ZBTB20: variants seen among roughly 807,000 people sequenced by gnomAD.
ZBTB20 encodes zinc finger and BTB domain containing 20.
ZBTB20 carries 9 observed loss-of-function variants against 56.9 expected under a neutral mutation model. The ratio of observed to expected loss-of-function variants is 0.16; its 90% CI spans 0.10 to 0.28. The LOEUF (loss-of-function observed/expected upper bound fraction) is 0.28. ZBTB20 is among the 10% of genes least tolerant of loss of function. The probability of loss-of-function intolerance (pLI) is 1.00; values close to 1 mark genes in which losing one functional copy is unlikely to be tolerated. For missense variants in ZBTB20, 655 were observed against 1,003.0 expected (o/e 0.65, Z 4.69); for synonymous variants, 417 against 420.7 (o/e 0.99, Z 0.11).
intron 5 of ZBTB20, among the ~76,000 whole-genome samples, chr3:114,787,559 C>T (rs145998045): frequency 1.3e-5 from 2 of 151,398 alleles, no homozygotes; most frequent in Non-Finnish European, 2.9e-5. Context: ...TCTGTGGTTG[C>T]CATGAGTTAG....
intron 7 of ZBTB20, among the ~76,000 whole-genome samples, chr3:114,443,098 C>A (rs906429069): frequency 3.3e-5 from 5 of 152,116 alleles, no homozygotes; most frequent in Non-Finnish European, 5.9e-5. Context: ...TCAAAAAGAT[C>A]TCACTGTCTC....
chr3:114,809,904 C>T (rs2072391631), intron 4 of ZBTB20, among the ~76,000 whole-genome samples: 1 of 152,130 alleles, frequency 6.6e-6, no homozygotes, highest in South Asian at 2.1e-4. Context: ...CTCTGTGCAG[C>T]CTCTCTTCCC....
At chr3:114,916,913 T>C (rs1424452945) in intron 3 of ZBTB20, among the ~76,000 whole-genome samples, 2 of 152,204 alleles carry the variant, frequency 1.3e-5, no homozygotes. Flanking sequence ...CTTCTTGTGC[T>C]TGAATAATTA....
At chr3:114,923,302 C>A (rs2076027660) in intron 3 of ZBTB20, among the ~76,000 whole-genome samples, 1 of 152,174 alleles carries the variant, frequency 6.6e-6, no homozygotes, top group Non-Finnish European at 1.5e-5. Flanking sequence ...GGAGGCATCA[C>A]ACTCTGTGAT....
At chr3:114,870,257 CT>C (rs1195531277) in intron 4 of ZBTB20, among the ~76,000 whole-genome samples, 1 of 151,926 alleles carries the variant, frequency 6.6e-6, no homozygotes, top group East Asian at 1.9e-4. Context: ...AAGTAGAGGT[CT>C]TTTCTTTCAC....
intron 6 of ZBTB20, among the ~76,000 whole-genome samples, chr3:114,566,717 A>T (rs1350464356): frequency 6.6e-6 from 1 of 152,226 alleles, no homozygotes; most frequent in East Asian, 1.9e-4. Flanking sequence ...CTATCCTAGC[A>T]CATTGTTCTT....
chr3:114,495,079 T>C (rs1169578827), intron 7 of ZBTB20, among the ~76,000 whole-genome samples: 6 of 152,228 alleles, frequency 3.9e-5, no homozygotes, highest in African/African-American at 1.4e-4. Flanking sequence ...TCCTGGACTG[T>C]ATCATTCCTT....
chr3:115,121,559 T>G (rs1468986981), intron 1 of ZBTB20, among the ~76,000 whole-genome samples: 3 of 152,070 alleles, frequency 2.0e-5, no homozygotes, highest in African/African-American at 7.2e-5. Context: ...TGAGATGGTC[T>G]AGATGCATTA....
At chr3:114,846,255 T>C (rs934664898) in intron 4 of ZBTB20, among the ~76,000 whole-genome samples, 6 of 152,230 alleles carry the variant, frequency 3.9e-5, no homozygotes, top group Non-Finnish European at 7.3e-5. Flanking sequence ...TTCACCATAC[T>C]GATGAGCTTT....
intron 3 of ZBTB20, among the ~76,000 whole-genome samples, chr3:114,938,634 G>A (rs1385189629): frequency 6.9e-6 from 1 of 145,430 alleles, no homozygotes; most frequent in Non-Finnish European, 1.5e-5. Context: ...AGAACACATG[G>A]ACACAGGGAG....
intron 6 of ZBTB20, among the ~76,000 whole-genome samples, chr3:114,670,194 T>C (rs2061286476): frequency 6.6e-6 from 1 of 152,046 alleles, no homozygotes; most frequent in African/African-American, 2.4e-5. Flanking sequence ...AATTACCCTC[T>C]TGTGTTTGAA....
At position 115,047,860 on chromosome 3, in the gene ZBTB20, T is replaced by C. The variant is rs185771384; in HGVS notation, c.-507+23359A>G. Among the ~76,000 whole-genome samples, 271 of 152,222 alleles carry C rather than the reference T, an allele frequency of 1.8e-3. 1 individual carries two copies. Among genetic ancestry groups the C allele is most frequent in the Non-Finnish European group, 2.9e-3 (198 of 68,010 alleles). On this transcript the variant is annotated intron_variant, in intron 2 of 11. Coordinates refer to ENST00000675478, the MANE Select transcript of ZBTB20 (RefSeq NM_001348800.3). ...CACAATGACCTGGAATTGTGACAGT[T>C]CCTCAGTCCCAGAGATGCTATATTC...
chr3:114,883,415 A>G (rs2076471059), intron 4 of ZBTB20, among the ~76,000 whole-genome samples: 1 of 152,224 alleles, frequency 6.6e-6, no homozygotes, highest in African/African-American at 2.4e-5. Context: ...TGTATTACTT[A>G]CATACTTCAC....
chr3:114,866,914 AGTC>A (rs2075788985), intron 4 of ZBTB20, among the ~76,000 whole-genome samples: 1 of 152,158 alleles, frequency 6.6e-6, no homozygotes, highest in Admixed American at 6.5e-5. Flanking sequence ...GAGCTTCCAC[AGTC>A]ATGTGAGTCA....
intron 3 of ZBTB20, among the ~76,000 whole-genome samples, chr3:114,922,034 C>A (rs2075979442): frequency 6.6e-6 from 1 of 152,104 alleles, no homozygotes; most frequent in Non-Finnish European, 1.5e-5. Context: ...CTCTGGGATG[C>A]AAGGATGGTT....
chr3:114,806,493 T>C (rs2072115984), intron 4 of ZBTB20, among the ~76,000 whole-genome samples: 1 of 151,972 alleles, frequency 6.6e-6, no homozygotes, highest in Admixed American at 6.6e-5. Context: ...TAAAAATTCT[T>C]ATCAGATTAT....
At chr3:114,662,548 A>G (rs2060798474) in intron 6 of ZBTB20, among the ~76,000 whole-genome samples, 1 of 143,116 alleles carries the variant, frequency 7.0e-6, no homozygotes, top group South Asian at 2.4e-4. Flanking sequence ...CTATTTCTCC[A>G]CATCCTCTCC....
At chr3:114,995,340 A>G (rs1375322655) in intron 2 of ZBTB20, among the ~76,000 whole-genome samples, 1 of 151,958 alleles carries the variant, frequency 6.6e-6, no homozygotes, top group Non-Finnish European at 1.5e-5. Context: ...GAAATAGTTC[A>G]TAAAAGAAAA....
At chr3:115,073,249 T>A (rs1452147645) in intron 1 of ZBTB20, among the ~76,000 whole-genome samples, 2 of 152,180 alleles carry the variant, frequency 1.3e-5, no homozygotes, top group Non-Finnish European at 2.9e-5. Flanking sequence ...AATAACTAAT[T>A]GGGAGAAATA....
Sources: gnomAD v4.1 joint callset for allele counts (sites outside exome capture counted in the v4.1 genomes callset) on GRCh38, gnomAD v4.1.1 for gene constraint, MANE v1.5 for transcripts, NCBI Gene and HGNC (gene_info 2026-07-23, HGNC 2026-07-21) for gene names.